KCNN2: variants seen among roughly 807,000 people sequenced by gnomAD.
KCNN2 encodes the protein small conductance calcium-activated potassium channel protein 2.
A neutral mutation model predicts 55.5 loss-of-function variants in KCNN2; 24 were observed. The ratio of observed to expected loss-of-function variants is 0.43; its 90% CI spans 0.31 to 0.61. The LOEUF is 0.61. KCNN2 is among the 20% of genes least tolerant of loss of function. KCNN2 has a pLI of 0.08. For synonymous variants in KCNN2, 431 were observed against 336.1 expected (o/e 1.28, Z -3.09); for missense variants, 754 against 853.6 (o/e 0.88, Z 1.45).
At chr5:114,339,739 G>C (rs1756982750) in intron 2 of KCNN2, among the ~76,000 whole-genome samples, 1 of 152,084 alleles carries the variant, frequency 6.6e-6, no homozygotes, top group Admixed American at 6.5e-5. Context: ...GGAGGTGGAA[G>C]TTGCTGTGAG....
chr5:114,090,540 T>C (rs1356669705), intron 1 of KCNN2, among the ~76,000 whole-genome samples: 1 of 149,174 alleles, frequency 6.7e-6, no homozygotes, highest in Non-Finnish European at 1.5e-5. Context: ...CCTCTCTTTC[T>C]CTCTTCCTCT....
At chr5:114,175,711 A>G (rs1329216718) in intron 1 of KCNN2, among the ~76,000 whole-genome samples, 1 of 152,212 alleles carries the variant, frequency 6.6e-6, no homozygotes, top group East Asian at 1.9e-4. Context: ...CAGGTAATAA[A>G]TGACCAAAAA....
chr5:114,066,920 G>A (rs889631230), intron 1 of KCNN2, among the ~76,000 whole-genome samples: 3 of 152,170 alleles, frequency 2.0e-5, no homozygotes, highest in African/African-American at 7.2e-5. Context: ...TCTGTAAATG[G>A]ACCCAAGTTT....
intron 1 of KCNN2, among the ~76,000 whole-genome samples, chr5:114,214,631 T>C (rs1201024977): frequency 6.6e-6 from 1 of 152,084 alleles, no homozygotes; most frequent in Non-Finnish European, 1.5e-5. Flanking sequence ...CCTGAGGTTT[T>C]TTCCTGTGTT....
chr5:114,362,462 C>A lies in KCNN2; in HGVS notation c.323C>A (p.Ser108Ter). ...AFRTRTSSPL[S>*]GSSCCCCCCS... is the part of the protein sequence containing the mutation. ...CGGACCCGCACCTCCTCGCCGCTGTCGGGCTCGTCCTGCTGCTGCTGCTGC... is the reference window on the plus strand; with the variant it reads ...CGGACCCGCACCTCCTCGCCGCTGTAGGGCTCGTCCTGCTGCTGCTGCTGC... Residue 108 changes from serine to a stop codon, truncating the protein, a stop_gained, in exon 1 of 8, where the codon TCG becomes TAG. Transcript: ENST00000673685. LOFTEE classifies it high-confidence loss of function. The A allele has an allele frequency of 4.8e-6, 2 of 419,238 alleles. No individual in the cohort carries two copies. The highest frequency in any genetic ancestry group is 4.7e-5 in the South Asian group (1 of 21,492). The allele number at this position is 419,238 out of a possible 1,614,324, so 26.0% of individuals were successfully genotyped here.
chr5:114,075,557 A>G (rs1750668633), intron 1 of KCNN2, among the ~76,000 whole-genome samples: 1 of 152,238 alleles, frequency 6.6e-6, no homozygotes, highest in South Asian at 2.1e-4. Flanking sequence ...CATATTGGCA[A>G]GCAAAAATAT....
At chr5:114,483,713 C>CTG (rs3070952) in intron 5 of KCNN2, among the ~76,000 whole-genome samples, 33,867 of 147,756 alleles carry the variant, frequency 0.23, 4,304 homozygotes, top group East Asian at 0.58. Flanking sequence ...TATTTTTCAA[C>CTG]TGTGTGTGTG....
chr5:114,252,822 G>A (rs1034535942), intron 2 of KCNN2, among the ~76,000 whole-genome samples: 1 of 151,818 alleles, frequency 6.6e-6, no homozygotes. Flanking sequence ...AGGGTGACAA[G>A]ATGACATGTG....
chr5:114,364,671 A>G (rs1006625560), intron 2 of KCNN2, among the ~76,000 whole-genome samples: 18 of 149,506 alleles, frequency 1.2e-4, no homozygotes, highest in Non-Finnish European at 2.4e-4. Flanking sequence ...GGAGCTCTAT[A>G]TTTGACTGTT....
intron 2 of KCNN2, among the ~76,000 whole-genome samples, chr5:114,300,434 TC>T (rs1756131348): frequency 6.6e-6 from 1 of 152,194 alleles, no homozygotes; most frequent in Non-Finnish European, 1.5e-5. Flanking sequence ...GGAGAATATT[TC>T]AAAACATTGT....
intron 1 of KCNN2, among the ~76,000 whole-genome samples, chr5:114,200,615 G>A (rs1013518949): frequency 7.3e-5 from 11 of 151,548 alleles, no homozygotes; most frequent in African/African-American, 2.2e-4. Flanking sequence ...AACTTATGTT[G>A]ATATTTGTAC....
At chr5:114,202,871 C>CTGTA (rs2112574121) in intron 1 of KCNN2, among the ~76,000 whole-genome samples, 1 of 152,154 alleles carries the variant, frequency 6.6e-6, no homozygotes, top group South Asian at 2.1e-4. Context: ...CAGGCGTGAG[C>CTGTA]CACCGCACCC....
chr5:114,377,636 T>C (rs576109684), intron 2 of KCNN2, among the ~76,000 whole-genome samples: 2 of 152,244 alleles, frequency 1.3e-5, no homozygotes, highest in Admixed American at 6.5e-5. Context: ...GACAGACATT[T>C]GTGCCTCTGG....
chr5:114,305,167 G>A (rs140435558), intron 2 of KCNN2, among the ~76,000 whole-genome samples: 5 of 152,278 alleles, frequency 3.3e-5, no homozygotes, highest in Non-Finnish European at 5.9e-5. Context: ...AAAAATAATC[G>A]TGTTTGGTAG....
rs1420622216 is a variant in KCNN2, at chr5:114,162,622, G to A, written c.-270-58858G>A. Reference sequence around the variant, plus strand: ...GAGTTGGACCCTACAGAAGCAGGCAGGCCTCCTTGAGCTGTGGTGGGCTCC... The same window carrying A: ...GAGTTGGACCCTACAGAAGCAGGCAAGCCTCCTTGAGCTGTGGTGGGCTCC... On this transcript the variant is annotated intron_variant, in intron 1 of 10. Coordinates refer to the KCNN2 transcript ENST00000512097. Among the ~76,000 whole-genome samples the A allele has an allele frequency of 4.6e-5, 7 of 152,188 alleles. No homozygotes were observed. In the East Asian group the frequency reaches 1.4e-3, roughly 29 times the overall value.
At chr5:114,187,363 A>G (rs1753354605) in intron 1 of KCNN2, among the ~76,000 whole-genome samples, 1 of 152,136 alleles carries the variant, frequency 6.6e-6, no homozygotes, top group South Asian at 2.1e-4. Context: ...TGGGAGAGAG[A>G]TAATCATCCC....
At chr5:114,066,728 C>T (rs910930755) in intron 1 of KCNN2, among the ~76,000 whole-genome samples, 7 of 152,070 alleles carry the variant, frequency 4.6e-5, no homozygotes, top group South Asian at 2.1e-4. Context: ...TACAGGCGCA[C>T]GCCACCACGC....
At chr5:114,471,041 T>C (rs1446049489) in intron 4 of KCNN2, among the ~76,000 whole-genome samples, 1 of 152,214 alleles carries the variant, frequency 6.6e-6, no homozygotes, top group African/African-American at 2.4e-5. Flanking sequence ...GATAATCATA[T>C]TGCTTGATTT....
In KCNN2 at chr5:114,377,848, T is replaced by A. The variant is rs373633970; in HGVS notation, c.1218+13847T>A. Among the ~76,000 whole-genome samples the A allele has an allele frequency of 2.5e-4, 38 of 152,334 alleles. 1 individual carries two copies. In the South Asian group the frequency reaches 7.7e-3, roughly 31 times the overall value. On this transcript the variant is annotated intron_variant, in intron 2 of 7. Transcript: ENST00000673685. ...TCAGTAAGACAGTGTTTATGAAGAA[T>A]CTAGCGTGATACCTGGCACATCATA...
Sources: gnomAD v4.1 joint callset for allele counts (sites outside exome capture counted in the v4.1 genomes callset) on GRCh38, gnomAD v4.1.1 for gene constraint, MANE v1.5 for transcripts, NCBI Gene and HGNC (gene_info 2026-07-23, HGNC 2026-07-21) for gene names.